Variants in ATRNL1 observed in about 807,000 individuals in gnomAD.
ATRNL1 encodes attractin-like protein 1.
Under a neutral mutation model 182.7 loss-of-function variants are expected in ATRNL1, and 95 were observed. The ratio of observed to expected loss-of-function variants is 0.52; its 90% CI spans 0.44 to 0.62. ATRNL1 has a LOEUF of 0.62. ATRNL1 is among the 20% of genes least tolerant of loss of function. The pLI, the probability that ATRNL1 is intolerant of heterozygous loss-of-function variation, is 0.00. For missense variants in ATRNL1, 1,471 were observed against 1,679.5 expected, an observed-to-expected ratio of 0.88 and a Z score of 2.17; for synonymous variants, 576 against 568.3, an observed-to-expected ratio of 1.01 and a Z score of -0.19.
intron 28 of ATRNL1, among the ~76,000 whole-genome samples, chr10:115,899,054 C>G (rs1555113103): frequency 1.3e-5 from 2 of 151,612 alleles, no homozygotes; most frequent in Non-Finnish European, 2.9e-5. Context: ...GTGTGCTGCA[C>G]CCATTAACTC....
intron 27 of ATRNL1, among the ~76,000 whole-genome samples, chr10:115,835,036 A>G (rs1389974123): frequency 6.6e-6 from 1 of 152,210 alleles, no homozygotes; most frequent in Non-Finnish European, 1.5e-5. Context: ...CTCAGTAAAT[A>G]GTACATGCTC....
At chr10:115,406,692 T>G (rs1395015993) in intron 20 of ATRNL1, among the ~76,000 whole-genome samples, 1 of 152,172 alleles carries the variant, frequency 6.6e-6, no homozygotes, top group Non-Finnish European at 1.5e-5. Context: ...TAGTATTATC[T>G]CAAGTTTCTT....
At chr10:115,167,969 C>T (rs1847120099) in intron 7 of ATRNL1, among the ~76,000 whole-genome samples, 1 of 152,064 alleles carries the variant, frequency 6.6e-6, no homozygotes, top group Admixed American at 6.6e-5. Flanking sequence ...ACTTTGTATC[C>T]TTTCGGTATC....
intron 1 of ATRNL1, among the ~76,000 whole-genome samples, chr10:115,119,770 A>G (rs1221685260): frequency 1.3e-5 from 2 of 152,088 alleles, no homozygotes; most frequent in African/African-American, 4.8e-5. Flanking sequence ...TATAGCTTAC[A>G]TGCTAACTCC....
chr10:115,875,956 T>A (rs1951690531), intron 28 of ATRNL1, among the ~76,000 whole-genome samples: 1 of 152,086 alleles, frequency 6.6e-6, no homozygotes, highest in South Asian at 2.1e-4. Context: ...AGGCAAAGAC[T>A]AAAAGGATGA....
chr10:115,324,284 C>T (rs1244048921), intron 18 of ATRNL1, among the ~76,000 whole-genome samples: 1 of 152,162 alleles, frequency 6.6e-6, no homozygotes, highest in Non-Finnish European at 1.5e-5. Flanking sequence ...TATCAAAATA[C>T]AACTCTACCC....
At chr10:115,365,274 TC>T (rs1451881505) in intron 19 of ATRNL1, among the ~76,000 whole-genome samples, 1 of 152,186 alleles carries the variant, frequency 6.6e-6, no homozygotes, top group African/African-American at 2.4e-5. Flanking sequence ...GAGGAATTTA[TC>T]CATTTCTTCT....
chr10:115,863,659 G>C (rs1249597296), intron 28 of ATRNL1, among the ~76,000 whole-genome samples: 3 of 152,108 alleles, frequency 2.0e-5, no homozygotes, highest in African/African-American at 7.2e-5. Context: ...CACGTGTGTT[G>C]GTATACAATT....
rs116149983 is a variant in ATRNL1 at position 115,779,106 on chromosome 10, C to A, written c.3903+51751C>A. Among the ~76,000 whole-genome samples, 1,511 of 152,242 alleles carry A rather than the reference C, an allele frequency of 9.9e-3. 28 individuals are homozygous for A. The highest frequency in any genetic ancestry group is 0.035 in the African/African-American group (1,438 of 41,550). On this transcript the variant is annotated intron_variant, in intron 27 of 28. Coordinates refer to ENST00000355044, the MANE Select transcript of ATRNL1 (RefSeq NM_207303.4). ...CCAGGGCAGATTGCTCCCAATGTCC[C>A]CCACCTGGTAGGCCATTGCATGGAA... is the stretch of plus-strand genomic sequence containing the variant.
chr10:115,746,240 T>C (rs1347402744), intron 27 of ATRNL1, among the ~76,000 whole-genome samples: 1 of 152,128 alleles, frequency 6.6e-6, no homozygotes, highest in Non-Finnish European at 1.5e-5. Context: ...TTTAATTGAA[T>C]CTCAGAGTTT....
intron 8 of ATRNL1, among the ~76,000 whole-genome samples, chr10:115,190,553 C>T (rs1430865041): frequency 6.6e-6 from 1 of 151,948 alleles, no homozygotes; most frequent in Non-Finnish European, 1.5e-5. Context: ...ATAATTTGTA[C>T]TTATAACATT....
intron 27 of ATRNL1, among the ~76,000 whole-genome samples, chr10:115,749,178 A>G (rs1469911659): frequency 3.3e-5 from 5 of 151,960 alleles, no homozygotes; most frequent in Non-Finnish European, 7.4e-5. Context: ...TAGATATTCA[A>G]CTTTTTAAAT....
chr10:115,322,764 A>T lies in ATRNL1; in HGVS notation c.3037+7028A>T, dbSNP rs146498887. ...TTTTCTAAAGGTAGATTTGCTTGATAGAGGATTCTTAGTTAGCATTGTTCT... is the reference window on the plus strand; with the variant it reads ...TTTTCTAAAGGTAGATTTGCTTGATTGAGGATTCTTAGTTAGCATTGTTCT... On this transcript the variant is annotated intron_variant, in intron 18 of 28. Transcript: ENST00000355044. Among the ~76,000 whole-genome samples, 5 of 152,246 alleles carry T rather than the reference A, an allele frequency of 3.3e-5. No homozygotes were observed. In the East Asian group the frequency reaches 9.7e-4, roughly 29 times the overall value.
Position 115,696,884 on chromosome 10 carries a change from AGAGAGAGAGAGAGAGC to A in ATRNL1, c.3796-30360_3796-30345del, listed in dbSNP as rs1946578487. On this transcript the variant is annotated intron_variant, in intron 26 of 28. Coordinates refer to ENST00000355044, the MANE Select transcript of ATRNL1 (RefSeq NM_207303.4). ...ACATATCAGAGCGAGAGAGAGAGAG[AGAGAGAGAGAGAGAGC>A]GAGCGAGCTAGGGGGGAAATGCCAC... Among the ~76,000 whole-genome samples, 3 of 150,630 alleles carry A rather than the reference AGAGAGAGAGAGAGAGC, an allele frequency of 2.0e-5. No homozygotes were observed. The South Asian group carries it at 6.3e-4, about 32-fold the overall frequency.
At chr10:115,849,950 G>T (rs1951016269) in intron 28 of ATRNL1, among the ~76,000 whole-genome samples, 1 of 152,160 alleles carries the variant, frequency 6.6e-6, no homozygotes, top group South Asian at 2.1e-4. Flanking sequence ...ACAAAAGATT[G>T]AAATAGCTTA....
intron 27 of ATRNL1, among the ~76,000 whole-genome samples, chr10:115,799,416 T>G (rs1949738609): frequency 6.6e-6 from 1 of 152,144 alleles, no homozygotes; most frequent in African/African-American, 2.4e-5. Context: ...CTCATGGGGA[T>G]GCTGGACAGG....
At chr10:115,268,798 C>T (rs1443707839) in intron 13 of ATRNL1, among the ~76,000 whole-genome samples, 1 of 152,148 alleles carries the variant, frequency 6.6e-6, no homozygotes, top group Non-Finnish European at 1.5e-5. Flanking sequence ...CCATTGGATT[C>T]CTGTCAGACA....
chr10:115,519,666 C>T (rs1170114756), intron 25 of ATRNL1, among the ~76,000 whole-genome samples: 1 of 152,098 alleles, frequency 6.6e-6, no homozygotes, highest in Non-Finnish European at 1.5e-5. Flanking sequence ...AAGAACTAAA[C>T]CAATTTGTTT....
At chr10:115,785,605 A>G (rs938583766) in intron 27 of ATRNL1, among the ~76,000 whole-genome samples, 2 of 152,158 alleles carry the variant, frequency 1.3e-5, no homozygotes, top group African/African-American at 4.8e-5. Context: ...TGGTTATTAG[A>G]TCTGTTAACC....
Sources: allele counts gnomAD v4.1 joint callset (sites outside exome capture counted in the v4.1 genomes callset), GRCh38; gene constraint gnomAD v4.1.1; transcripts MANE v1.5; gene names NCBI Gene and HGNC (gene_info 2026-07-23, HGNC 2026-07-21).